ZNF469: variants seen among roughly 807,000 people sequenced by gnomAD.
ZNF469 encodes the protein zinc finger protein 469.
Under a neutral mutation model 1.0 loss-of-function variants are expected in ZNF469, and 1 was observed. The ratio of observed to expected loss-of-function variants is 1.00; its 90% confidence interval spans 0.35 to 4.73. ZNF469 has a LOEUF of 4.73. Ranked by LOEUF, ZNF469 falls within the 30% of genes most tolerant of loss-of-function variation. The pLI is 0.16. For missense variants in ZNF469, 6,100 were observed against 5,356.3 expected, an observed-to-expected ratio of 1.14 and a Z score of -4.33; for synonymous variants, 2,703 against 2,363.4, an observed-to-expected ratio of 1.14 and a Z score of -4.17.
chr16:88,357,384 G>A, the ZNF469 span, among the ~76,000 whole-genome samples: 11 of 152,322 alleles, frequency 7.2e-5, 1 homozygote, highest in South Asian at 1.9e-3. Context: ...TCCAGTCCTC[G>A]ACTGCGTTGA....
At chr16:88,240,835 C>T in the ZNF469 span, among the ~76,000 whole-genome samples, 4 of 152,270 alleles carry the variant, frequency 2.6e-5, no homozygotes, top group African/African-American at 4.8e-5. Context: ...CGGCCCACTT[C>T]CCCTCCCCAG....
At chr16:88,216,590 C>T in the ZNF469 span, among the ~76,000 whole-genome samples, 1 of 152,084 alleles carries the variant, frequency 6.6e-6, no homozygotes, top group Non-Finnish European at 1.5e-5. Context: ...TCTTGGAAGA[C>T]ACAGAGTCTC....
chr16:88,249,004 G>T, the ZNF469 span, among the ~76,000 whole-genome samples: 2 of 152,074 alleles, frequency 1.3e-5, no homozygotes, highest in Non-Finnish European at 2.9e-5. Context: ...GTGTGTCCGT[G>T]TGTCTTGCAA....
In ZNF469 at chr16:88,435,581, A is replaced by C. The variant is rs930146121; in HGVS notation, c.8111A>C (p.Glu2704Ala). Residue 2704 changes from glutamate (E) to alanine (A), a missense_variant, in exon 3 of 3, where the codon GAG becomes GCG. By Grantham distance (107) the Glu-to-Ala change is moderately radical. Coordinates refer to ENST00000565624, the MANE Select transcript of ZNF469 (RefSeq NM_001367624.2). Reference protein sequence around the residue: ...RLATLGPGVMEGAAETDQEAL... With the variant: ...RLATLGPGVMAGAAETDQEAL... ...GCCACTCTGGGACCTGGGGTGATGG[A>C]GGGTGCAGCGGAGACTGACCAGGAG... 39 of 1,549,898 alleles carry C rather than the reference A, an allele frequency of 2.5e-5. No individual in the cohort carries two copies. Among genetic ancestry groups the C allele is most frequent in the Non-Finnish European group, 3.2e-5 (37 of 1,146,966 alleles).
the ZNF469 span, among the ~76,000 whole-genome samples, chr16:88,279,356 C>T: frequency 0.24 from 36,195 of 149,546 alleles, 5,120 homozygotes; most frequent in East Asian, 0.43. Context: ...GTTAGTGCTA[C>T]GCCATGCTGA....
Position 88,398,375 on chromosome 16 carries a change from G to A in ZNF469, c.-192+15121G>A, listed in dbSNP as rs57728545. 9.2e-3 allele frequency among the ~76,000 whole-genome samples: 1,391 copies of A among 151,394 alleles called. 20 individuals are homozygous for A. Among genetic ancestry groups the A allele is most frequent in the African/African-American group, 0.032 (1,320 of 41,134 alleles). On this transcript the variant is annotated intron_variant, in intron 1 of 2. Transcript: ENST00000565624. The stretch of plus-strand genomic sequence containing the variant: ...GTGAGCCACGGATGAAGGAGGACCC[G>A]TGAGCCACGGATGAAGGGACATGTG...
chr16:88,132,417 G>A, the ZNF469 span, among the ~76,000 whole-genome samples: 42 of 152,082 alleles, frequency 2.8e-4, no homozygotes, highest in African/African-American at 9.7e-4. Flanking sequence ...CCAGAGCGCC[G>A]CGTAGCCGGC....
Position 88,430,676 on chromosome 16 carries a change from CGGGCA to C in ZNF469, c.3209_3213del (p.Gly1070ValfsTer14). ...CGCCACCGGCGGCTGGGGCGGCGGGCGGGCAGGTGCGGCTCCCTGGCGGCGGGGAG... is the reference window on the plus strand; with the variant it reads ...CGCCACCGGCGGCTGGGGCGGCGGGCGGTGCGGCTCCCTGGCGGCGGGGAG... On this transcript the variant is annotated frameshift_variant, in exon 3 of 3. Coordinates refer to ENST00000565624, the MANE Select transcript of ZNF469 (RefSeq NM_001367624.2). LOFTEE classifies it low-confidence loss of function (END_TRUNC). 6.7e-7 allele frequency: 1 copy of C among 1,492,006 alleles called. No individual in the cohort carries two copies. The highest frequency in any genetic ancestry group is 8.9e-7 in the Non-Finnish European group (1 of 1,127,960). The allele number at this position is 1,492,006 out of a possible 1,614,324, so 92.4% of individuals were successfully genotyped here. A position where few individuals can be genotyped will look rare whatever the true frequency, so the allele number is the denominator to read the frequency against.
chr16:88,400,365 A>G (rs969616292), intron 1 of ZNF469, among the ~76,000 whole-genome samples: 1 of 152,208 alleles, frequency 6.6e-6, no homozygotes, highest in Non-Finnish European at 1.5e-5. Context: ...GCCTACCAGG[A>G]CAACGGCTCC....
At chr16:88,320,576 G>A in the ZNF469 span, among the ~76,000 whole-genome samples, 2 of 152,076 alleles carry the variant, frequency 1.3e-5, no homozygotes, top group South Asian at 4.1e-4. Flanking sequence ...TAGAGACTGG[G>A]TTTTACTACG....
the ZNF469 span, among the ~76,000 whole-genome samples, chr16:88,303,851 A>C: frequency 5.9e-5 from 9 of 152,228 alleles, no homozygotes; most frequent in East Asian, 1.7e-3. Context: ...ATTGAAGGAG[A>C]TATGATGCAA....
At chr16:88,205,814 C>T in the ZNF469 span, among the ~76,000 whole-genome samples, 4 of 152,218 alleles carry the variant, frequency 2.6e-5, no homozygotes, top group South Asian at 2.1e-4. This position sits in a 1 kb window ranked among gnomAD's most constrained non-coding sequence, Gnocchi z 4.2. Flanking sequence ...TGTGAGGACT[C>T]GCACAGGCCA....
the ZNF469 span, among the ~76,000 whole-genome samples, chr16:88,319,964 C>G: frequency 6.6e-6 from 1 of 152,238 alleles, no homozygotes; most frequent in Non-Finnish European, 1.5e-5. Context: ...TTCCTCCCAT[C>G]TGGCATCTCC....
chr16:88,205,138 A>T, the ZNF469 span, among the ~76,000 whole-genome samples: 6 of 152,294 alleles, frequency 3.9e-5, no homozygotes, highest in South Asian at 1.0e-3. This position sits in a 1 kb window ranked among gnomAD's most constrained non-coding sequence, Gnocchi z 4.2. Context: ...ATGTTACTGG[A>T]AGCCCTCTGC....
the ZNF469 span, among the ~76,000 whole-genome samples, chr16:88,148,533 G>A: frequency 6.6e-6 from 1 of 152,182 alleles, no homozygotes; most frequent in Non-Finnish European, 1.5e-5. Flanking sequence ...GCCTGGCTGC[G>A]GCACCAATGT....
At chr16:88,157,441 C>G in the ZNF469 span, among the ~76,000 whole-genome samples, 1 of 152,122 alleles carries the variant, frequency 6.6e-6, no homozygotes, top group South Asian at 2.1e-4. Flanking sequence ...GTGGACAGTT[C>G]GAGCTGTGTC....
the ZNF469 span, among the ~76,000 whole-genome samples, chr16:88,255,869 G>T: frequency 1.3e-5 from 2 of 152,300 alleles, no homozygotes; most frequent in Admixed American, 6.5e-5. Flanking sequence ...CGGAGGGAAG[G>T]TTACCTCTGG....
chr16:88,403,759 C>G (rs989729233), intron 1 of ZNF469, among the ~76,000 whole-genome samples: 1 of 152,250 alleles, frequency 6.6e-6, no homozygotes, highest in African/African-American at 2.4e-5. Flanking sequence ...CTGGTGCCCA[C>G]AAAGCATCCT....
At chr16:88,275,462 C>T in the ZNF469 span, among the ~76,000 whole-genome samples, 1 of 152,200 alleles carries the variant, frequency 6.6e-6, no homozygotes, top group Non-Finnish European at 1.5e-5. Flanking sequence ...GAATCCAGTG[C>T]TCCTGAGATC....
Sources: allele counts gnomAD v4.1 joint callset (sites outside exome capture counted in the v4.1 genomes callset), GRCh38; gene constraint gnomAD v4.1.1; non-coding constraint Gnocchi (gnomAD v3.1); transcripts MANE v1.5; gene names NCBI Gene and HGNC (gene_info 2026-07-23, HGNC 2026-07-21).